The following ZNF280D variants were observed in gnomAD, a reference collection of about 807,000 sequenced individuals.
The protein encoded by ZNF280D is suppressor of hairy wing homolog 4.
Under a neutral mutation model 94.7 loss-of-function variants are expected in ZNF280D, and 39 were observed. That is an observed-to-expected ratio of 0.41 (90% CI 0.32 to 0.54). The LOEUF (loss-of-function observed/expected upper bound fraction) is 0.54. Among genes scored for constraint, ZNF280D ranks in the 20% least tolerant of loss-of-function variants. The pLI, the probability that ZNF280D is intolerant of heterozygous loss-of-function variation, is 0.22. For missense variants in ZNF280D, 1,090 were observed against 1,149.3 expected (o/e 0.95, Z 0.75); for synonymous variants, 398 against 377.6 (o/e 1.05, Z -0.63).
intron 20 of ZNF280D, among the ~76,000 whole-genome samples, chr15:56,637,348 A>G (rs2052401642): frequency 3.0e-5 from 1 of 33,852 alleles, no homozygotes; most frequent in East Asian, 3.6e-3. Flanking sequence ...CTAGTTAAAA[A>G]CATTTTTTTT....
chr15:56,724,455 T>C (rs2058531862), intron 1 of ZNF280D, among the ~76,000 whole-genome samples: 1 of 152,244 alleles, frequency 6.6e-6, no homozygotes. Context: ...TGTCACTGCC[T>C]GCCTGTAAGG....
chr15:56,700,994 T>C lies in ZNF280D; in HGVS notation c.320A>G (p.Asn107Ser), dbSNP rs2057029934. ...TSNPVPASPI[N>S]FHPESRSSDS... ...TGAAGATCTAGACTCAGGATGAAAA[T>C]TTATTGGTGAGGCAGGCACTGGATT... Residue 107 changes from asparagine to serine, a missense_variant, in exon 6 of 22, where the codon AAT becomes AGT. Asn to Ser is a conservative substitution (Grantham distance 46, BLOSUM62 1). This residue lies in a region of ZNF280D where 386 missense variants were observed against 372.0 expected (regional missense o/e 1.04). Transcript: ENST00000267807. The C allele has an allele frequency of 6.2e-7, 1 of 1,613,696 alleles. No homozygotes were observed. Among genetic ancestry groups the C allele is most frequent in the Non-Finnish European group, 8.5e-7 (1 of 1,179,840 alleles).
At chr15:56,707,463 A>G (rs999235850) in intron 1 of ZNF280D, 157 bp from the exon 2 acceptor site, 13 of 361,082 alleles carry the variant, frequency 3.6e-5, no homozygotes, top group Non-Finnish European at 6.3e-5. Context: ...GAATAAACCC[A>G]AATTTAATAA....
intron 1 of ZNF280D, among the ~76,000 whole-genome samples, chr15:56,727,643 T>A (rs72744988): frequency 0.021 from 3,193 of 152,256 alleles, 50 homozygotes; most frequent in Non-Finnish European, 0.033. Flanking sequence ...TGAATACAAT[T>A]AAGAACTCAG....
intron 21 of ZNF280D, among the ~76,000 whole-genome samples, chr15:56,634,909 G>A (rs1226840645): frequency 6.6e-6 from 1 of 151,976 alleles, no homozygotes. Flanking sequence ...TTTAATAGGG[G>A]CAAAGAAAAT....
At chr15:56,705,602 A>T (rs1379028193) in intron 3 of ZNF280D, among the ~76,000 whole-genome samples, 1 of 152,204 alleles carries the variant, frequency 6.6e-6, no homozygotes, top group African/African-American at 2.4e-5. Context: ...ACCTAAAATC[A>T]AGTGGATACT....
At chr15:56,676,164 T>C (rs1488407236) in intron 13 of ZNF280D, among the ~76,000 whole-genome samples, 1 of 152,102 alleles carries the variant, frequency 6.6e-6, no homozygotes, top group Admixed American at 6.6e-5. Context: ...ACTATTCCCA[T>C]GGTCACACAA....
intron 19 of ZNF280D, chr15:56,652,693 C>T (rs1354868424): frequency 7.1e-6 from 7 of 985,104 alleles, no homozygotes; most frequent in Admixed American, 1.2e-4. Context: ...ACATCTTAGA[C>T]GCACAAATAC....
chr15:56,687,514 T>G (rs2056108675), intron 9 of ZNF280D, among the ~76,000 whole-genome samples: 1 of 152,056 alleles, frequency 6.6e-6, no homozygotes, highest in South Asian at 2.1e-4. Flanking sequence ...TAATAAAAAA[T>G]TATTTTCTTT....
In ZNF280D at chr15:56,733,452, G is replaced by A; in HGVS notation, c.-86+6C>T. The A allele has an allele frequency of 1.9e-6, 2 of 1,067,770 alleles. No homozygotes were observed. Among genetic ancestry groups the A allele is most frequent in the Non-Finnish European group, 2.3e-6 (2 of 877,828 alleles). The allele number at this position is 1,067,770 out of a possible 1,614,324, so 66.1% of individuals were successfully genotyped here. A position where few individuals can be genotyped will look rare whatever the true frequency, so the allele number is the denominator to read the frequency against. On this transcript the variant is annotated splice_donor_region_variant and intron_variant, in intron 1 of 21. Coordinates refer to ENST00000267807, the MANE Select transcript of ZNF280D (RefSeq NM_017661.4). ...GCAGGGCGGGCGGGGGCGGGGGGGC[G>A]CTTACCGTGAGCGGAGCGGATCGGC...
At chr15:56,676,043 T>C (rs2055209526) in intron 13 of ZNF280D, among the ~76,000 whole-genome samples, 1 of 151,468 alleles carries the variant, frequency 6.6e-6, no homozygotes, top group Non-Finnish European at 1.5e-5. Flanking sequence ...CAAGCACTAA[T>C]ATTGAGTTCC....
intron 1 of ZNF280D, among the ~76,000 whole-genome samples, chr15:56,727,297 T>C (rs556609151): frequency 7.2e-4 from 109 of 152,078 alleles, no homozygotes; most frequent in African/African-American, 2.6e-3. Context: ...CCGTCTCTAC[T>C]AAAAATACAA....
chr15:56,684,773 T>C (rs2055884967), intron 9 of ZNF280D, among the ~76,000 whole-genome samples: 1 of 152,042 alleles, frequency 6.6e-6, no homozygotes, highest in African/African-American at 2.4e-5. Context: ...GGAAAGAAGA[T>C]AAAACAAATT....
At chr15:56,713,175 G>A (rs1304192005) in intron 1 of ZNF280D, among the ~76,000 whole-genome samples, 4 of 152,098 alleles carry the variant, frequency 2.6e-5, no homozygotes, top group Non-Finnish European at 5.9e-5. Flanking sequence ...ATTGGGGATT[G>A]CATTACTAAC....
intron 4 of ZNF280D, among the ~76,000 whole-genome samples, chr15:56,703,625 A>C (rs1306865328): frequency 1.3e-5 from 2 of 152,156 alleles, no homozygotes; most frequent in Non-Finnish European, 2.9e-5. Context: ...AGTCCAAGGC[A>C]GGTGGATCAT....
At chr15:56,638,301 T>C (rs2140520610) in intron 20 of ZNF280D, among the ~76,000 whole-genome samples, 1 of 152,290 alleles carries the variant, frequency 6.6e-6, no homozygotes, top group Admixed American at 6.5e-5. Context: ...CAATGCATGA[T>C]ATTACAAAAT....
chr15:56,716,994 T>TA (rs1352059545), intron 1 of ZNF280D, among the ~76,000 whole-genome samples: 2 of 152,148 alleles, frequency 1.3e-5, no homozygotes, highest in African/African-American at 2.4e-5. Context: ...AGCTCCAGTC[T>TA]AACCATCTTC....
intron 14 of ZNF280D, chr15:56,667,967 G>A (rs1280723030): frequency 5.1e-6 from 1 of 197,642 alleles, no homozygotes; most frequent in Admixed American, 5.4e-5. Context: ...ATTAATAAGG[G>A]AAAAAATGAG....
At position 56,680,096 on chromosome 15, in the gene ZNF280D, C is replaced by T. The variant is rs191984498; in HGVS notation, c.1005-1275G>A. ...ATAGAAATGAGGGAAACAGCAAAAC[C>T]TCTTGCAAGGATGTTCACAGAACAA... On this transcript the variant is annotated intron_variant, in intron 10 of 21. Transcript: ENST00000267807. 2.7e-3 allele frequency among the ~76,000 whole-genome samples: 405 copies of T among 152,302 alleles called. 1 individual carries two copies. The highest frequency in any genetic ancestry group is 4.7e-3 in the Non-Finnish European group (319 of 68,014).
Sources: gnomAD v4.1 joint callset for allele counts (sites outside exome capture counted in the v4.1 genomes callset) on GRCh38, gnomAD v4.1.1 for gene constraint, gnomAD v4.1.1 regional missense constraint, MANE v1.5 for transcripts, NCBI Gene and HGNC (gene_info 2026-07-23, HGNC 2026-07-21) for gene names.